UPRT: variants seen among roughly 807,000 people sequenced by gnomAD.
The protein encoded by UPRT is RP11-311P8.3.
In UPRT, 5 loss-of-function variants were observed where a neutral mutation model predicts 22.6. That is an observed-to-expected ratio of 0.22 (90% CI 0.12 to 0.47). The LOEUF is 0.47. UPRT is among the 20% of genes least tolerant of loss of function. UPRT has a pLI of 0.99. For missense variants in UPRT, 181 were observed against 239.9 expected, an observed-to-expected ratio of 0.75 and a Z score of 1.62; for synonymous variants, 77 against 87.7, an observed-to-expected ratio of 0.88 and a Z score of 0.68.
chrX:75,264,701 T>C (rs940805295), intron 4 of UPRT, among the ~76,000 whole-genome samples: 3 of 111,935 alleles, frequency 2.7e-5, no homozygotes, highest in Non-Finnish European at 5.6e-5. Context: ...TTAATGTTAA[T>C]ATTGTTATGT....
At chrX:75,165,045 C>CT (rs757316517) in intron 3 of UPRT, among the ~76,000 whole-genome samples, 2,857 of 100,747 alleles carry the variant, frequency 0.028, 90 homozygotes, top group African/African-American at 0.094. Context: ...CAACTTAATC[C>CT]TTTTTTTTTT....
chrX:75,239,927 G>A (rs1206375124), intron 4 of UPRT, among the ~76,000 whole-genome samples: 1 of 111,144 alleles, frequency 9.0e-6, no homozygotes, highest in Non-Finnish European at 1.9e-5. Context: ...AGCAAAACTG[G>A]CATAAAAGGG....
upstream of UPRT, among the ~76,000 whole-genome samples, chrX:75,271,070 T>G (rs2082606677): frequency 9.0e-6 from 1 of 111,473 alleles, no homozygotes; most frequent in Admixed American, 9.6e-5. Context: ...AGAATCAATA[T>G]TGTGAACAGG....
chrX:75,295,999 A>T (rs1258941926), intron 2 of UPRT, among the ~76,000 whole-genome samples: 1 of 112,112 alleles, frequency 8.9e-6, no homozygotes, highest in Admixed American at 9.5e-5. Flanking sequence ...TTTCCAGAAT[A>T]ATAAGAAGTA....
intron 4 of UPRT, among the ~76,000 whole-genome samples, chrX:75,177,762 G>A (rs1330439297): frequency 8.9e-6 from 1 of 112,011 alleles, no homozygotes; most frequent in African/African-American, 3.2e-5. Context: ...CCACTACAAC[G>A]GGGCTTTGGG....
At chrX:75,269,460 A>G (rs1444499266), upstream of UPRT, among the ~76,000 whole-genome samples, 2 of 111,619 alleles carry the variant, frequency 1.8e-5, no homozygotes, top group African/African-American at 6.5e-5. Flanking sequence ...AATCCTAAGC[A>G]AAAAGAACAA....
intron 4 of UPRT, among the ~76,000 whole-genome samples, chrX:75,233,241 GAAT>G (rs1277263576): frequency 9.1e-6 from 1 of 109,869 alleles, no homozygotes; most frequent in African/African-American, 3.3e-5. Context: ...AGAGAAAAAA[GAAT>G]AAAAAGAAAT....
chrX:75,185,936 C>T (rs1426286756), intron 4 of UPRT, among the ~76,000 whole-genome samples: 3 of 110,861 alleles, frequency 2.7e-5, no homozygotes, highest in East Asian at 5.7e-4. Context: ...GTCTTGGTAG[C>T]GGTCTATCAA....
chrX:75,169,443 G>T (rs901820819), intron 4 of UPRT, among the ~76,000 whole-genome samples: 8 of 111,238 alleles, frequency 7.2e-5, no homozygotes, highest in African/African-American at 9.8e-5. Context: ...ATTTTTTTTG[G>T]TTTTTTAATT....
At chrX:75,173,065 T>A (rs977635915) in intron 4 of UPRT, among the ~76,000 whole-genome samples, 1 of 111,494 alleles carries the variant, frequency 9.0e-6, no homozygotes, top group African/African-American at 3.3e-5. Flanking sequence ...GTGTTTACAA[T>A]CTCTGAGCTA....
chrX:75,228,037 G>C (rs771580777), intron 4 of UPRT, among the ~76,000 whole-genome samples: 3 of 111,872 alleles, frequency 2.7e-5, no homozygotes, highest in African/African-American at 9.7e-5. Context: ...GGTACCTCTG[G>C]AAACAGACTC....
At chrX:75,287,319 G>A (rs1487681836) in intron 1 of UPRT, among the ~76,000 whole-genome samples, 1 of 111,553 alleles carries the variant, frequency 9.0e-6, no homozygotes, top group Non-Finnish European at 1.9e-5. Context: ...ACTAGTAGTA[G>A]TGAGGCTTAG....
At chrX:75,251,373 AC>A (rs2082529077) in intron 4 of UPRT, among the ~76,000 whole-genome samples, 1 of 112,036 alleles carries the variant, frequency 8.9e-6, no homozygotes, top group African/African-American at 3.2e-5. Context: ...GTCTCAGGAC[AC>A]AAAATCAATG....
At chrX:75,261,936 C>T (rs1181582770) in intron 4 of UPRT, among the ~76,000 whole-genome samples, 1 of 110,873 alleles carries the variant, frequency 9.0e-6, no homozygotes, top group East Asian at 2.8e-4. Flanking sequence ...ATGGAGAACA[C>T]CAGAAAGATA....
intron 2 of UPRT, among the ~76,000 whole-genome samples, chrX:75,162,104 T>C (rs1362039747): frequency 3.3e-5 from 1 of 29,937 alleles, no homozygotes; most frequent in Non-Finnish European, 9.4e-5. Flanking sequence ...CTTCTTTCTT[T>C]TCTTTTTTTT....
At chrX:75,269,845 T>C (rs1005380956), upstream of UPRT, among the ~76,000 whole-genome samples, 3 of 110,869 alleles carry the variant, frequency 2.7e-5, no homozygotes, top group Non-Finnish European at 5.7e-5. Context: ...ATAGGCATGG[T>C]CAAAGACTTC....
At chrX:75,234,279 C>G (rs927129354) in intron 4 of UPRT, among the ~76,000 whole-genome samples, 3 of 111,274 alleles carry the variant, frequency 2.7e-5, no homozygotes, top group African/African-American at 9.8e-5. Flanking sequence ...CACCCAGATT[C>G]ATAAAGCAAG....
At position 75,288,093 on chromosome X, in the gene UPRT, C is replaced by T. The variant is rs145096019; in HGVS notation, c.387-5379C>T. Among the ~76,000 whole-genome samples the T allele has an allele frequency of 6.0e-3, 662 of 110,971 alleles. 4 individuals are homozygous for T. Among genetic ancestry groups the T allele is most frequent in the African/African-American group, 0.021 (634 of 30,586 alleles). On this transcript the variant is annotated intron_variant, in intron 1 of 6. Coordinates refer to ENST00000373383, the MANE Select transcript of UPRT (RefSeq NM_145052.4). ...AGATCTAGAGGAAATGGATACATTC[C>T]TCGAAACAAACATTCTCCTAAAATT...
At position 75,200,493 on chromosome X, in the gene UPRT, CTG is replaced by C. The variant is rs758728805; in HGVS notation, c.-447+32615_-447+32616del. Among the ~76,000 whole-genome samples the C allele has an allele frequency of 1.1e-4, 12 of 112,186 alleles. 1 individual carries two copies. In the South Asian group the frequency reaches 4.5e-3, roughly 42 times the overall value. On this transcript the variant is annotated intron_variant, in intron 4 of 13. Coordinates refer to the UPRT transcript ENST00000652605. ...ACTGTAGTCCCAGCTACTCAGGAGA[CTG>C]AGGCATGAGAATCACTTGAACCCAA...
Sources: allele counts gnomAD v4.1 joint callset (sites outside exome capture counted in the v4.1 genomes callset), GRCh38; gene constraint gnomAD v4.1.1; transcripts MANE v1.5; gene names NCBI Gene and HGNC (gene_info 2026-07-23, HGNC 2026-07-21).